The following GALNT9 variants were observed in gnomAD, a reference collection of about 807,000 sequenced individuals.
GALNT9 encodes the protein GalNAc transferase 9.
In GALNT9, 47 loss-of-function variants were observed where a neutral mutation model predicts 63.1. The ratio of observed to expected loss-of-function variants is 0.75; its 90% confidence interval spans 0.59 to 0.95. The LOEUF is 0.95. Ranked by LOEUF, GALNT9 falls within the 40% of genes least tolerant of loss-of-function variation. The pLI, the probability that GALNT9 is intolerant of heterozygous loss-of-function variation, is 0.00. For synonymous variants in GALNT9, 396 were observed against 365.7 expected, an observed-to-expected ratio of 1.08 and a Z score of -0.94; for missense variants, 829 against 874.8, an observed-to-expected ratio of 0.95 and a Z score of 0.66.
chr12:132,321,925 G>T (rs1868817686), intron 1 of GALNT9, among the ~76,000 whole-genome samples: 1 of 151,972 alleles, frequency 6.6e-6, no homozygotes, highest in Admixed American at 6.5e-5. Flanking sequence ...GACACATCCT[G>T]CCTCTCCCCA....
chr12:132,295,417 T>C (rs1881019523), intron 1 of GALNT9, among the ~76,000 whole-genome samples: 1 of 150,322 alleles, frequency 6.7e-6, no homozygotes, highest in Admixed American at 6.6e-5. Flanking sequence ...GTCCCAGCCC[T>C]GGGGACCTGT....
chr12:132,250,192 G>A (rs181107281), intron 5 of GALNT9, among the ~76,000 whole-genome samples: 235 of 152,312 alleles, frequency 1.5e-3, no homozygotes, highest in African/African-American at 5.3e-3. Flanking sequence ...AGGTGCAAGA[G>A]GTTGCCCCCC....
At chr12:132,257,431 AGCCCTCGTCCCCATGCCCTCATCCCCG>A (rs1555239169) in intron 5 of GALNT9, among the ~76,000 whole-genome samples, 13 of 147,872 alleles carry the variant, frequency 8.8e-5, no homozygotes, top group African/African-American at 2.1e-4. Flanking sequence ...GGACGTCCCC[AGCCCTCGTCCCCATGCCCTCATCCCCG>A]GCCCTCGTCC....
chr12:132,204,947 A>G (rs1021684404), intron 6 of GALNT9, among the ~76,000 whole-genome samples: 2 of 151,196 alleles, frequency 1.3e-5, no homozygotes, highest in Non-Finnish European at 3.0e-5. Flanking sequence ...GAATCCCCCC[A>G]CCACCCGAGA....
In GALNT9 at chr12:132,203,565, G is replaced by A. The variant is rs1315482806; in HGVS notation, c.1203C>T (p.Ala401=). The A allele has an allele frequency of 1.3e-5, 21 of 1,613,984 alleles. No individual in the cohort carries two copies. The highest frequency in any genetic ancestry group is 5.5e-5 in the South Asian group (5 of 91,086). ...YYAKRNALRA[A]EVWMDDFKSH... The stretch of plus-strand genomic sequence containing the variant: ...ACTTGAAGTCATCCATCCACACCTC[G>A]GCGGCGCGCAGGGCGTTGCGCTTGG... The change falls in exon 7 of 11, where the codon GCC becomes GCT. Residue 401 remains alanine (A), a synonymous_variant. Coordinates refer to ENST00000328957, the MANE Select transcript of GALNT9 (RefSeq NM_001122636.2).
At chr12:132,198,926 C>T (rs529018190) in intron 9 of GALNT9, among the ~76,000 whole-genome samples, 1 of 152,272 alleles carries the variant, frequency 6.6e-6, no homozygotes, top group East Asian at 1.9e-4. Context: ...GCTGAGATGA[C>T]AGGCGTGAGC....
intron 1 of GALNT9, among the ~76,000 whole-genome samples, chr12:132,287,809 C>T (rs1880663110): frequency 6.6e-6 from 1 of 151,958 alleles, no homozygotes; most frequent in South Asian, 2.1e-4. Flanking sequence ...GCAGACGCGG[C>T]TTGGAGATGC....
chr12:132,245,003 G>C lies in GALNT9; in HGVS notation c.1077+2907C>G, dbSNP rs1332222118. Among the ~76,000 whole-genome samples the C allele has an allele frequency of 6.6e-6, 1 of 151,814 alleles. No homozygotes were observed. The highest frequency in any genetic ancestry group is 1.5e-5 in the Non-Finnish European group (1 of 67,934). ...GGTCAGGGGGAGAGGTCGGGGGAGAGGTGGCAGGGAGGGCAGGGAGGTCAG... is the reference window on the plus strand; with the variant it reads ...GGTCAGGGGGAGAGGTCGGGGGAGACGTGGCAGGGAGGGCAGGGAGGTCAG... On this transcript the variant is annotated intron_variant, in intron 6 of 10. Coordinates refer to ENST00000328957, the MANE Select transcript of GALNT9 (RefSeq NM_001122636.2). This position sits in a 1 kb window ranked among gnomAD's most constrained non-coding sequence, Gnocchi z 6.3.
chr12:132,262,420 C>A, intron 3 of GALNT9, 39 bp downstream of exon 3: 1 of 1,525,294 alleles, frequency 6.6e-7, no homozygotes, highest in Non-Finnish European at 8.8e-7. Flanking sequence ...CCACAGGCAG[C>A]CGCCCGGCGA....
chr12:132,326,837 G>C (rs1869057371), intron 1 of GALNT9, among the ~76,000 whole-genome samples: 1 of 152,218 alleles, frequency 6.6e-6, no homozygotes, highest in Admixed American at 6.5e-5. Flanking sequence ...TTAGCACTGA[G>C]AGCCTGTGCC....
chr12:132,203,058 G>A (rs550720030), intron 7 of GALNT9, among the ~76,000 whole-genome samples: 137 of 152,260 alleles, frequency 9.0e-4, no homozygotes, highest in African/African-American at 3.1e-3. Flanking sequence ...CGCTGAGGAC[G>A]GGAAGCCACA....
intron 6 of GALNT9, among the ~76,000 whole-genome samples, chr12:132,239,717 C>A (rs1379038515): frequency 6.6e-6 from 1 of 151,528 alleles, no homozygotes; most frequent in African/African-American, 2.4e-5. Flanking sequence ...CAAAGAGACA[C>A]AGAGAGACAA....
intron 5 of GALNT9, among the ~76,000 whole-genome samples, chr12:132,251,508 A>C (rs1878914533): frequency 6.6e-6 from 1 of 152,044 alleles, no homozygotes; most frequent in African/African-American, 2.4e-5. Flanking sequence ...AAATCCTTGG[A>C]GCTCAGGGCT....
chr12:132,311,885 C>G (rs1443829846), intron 1 of GALNT9, among the ~76,000 whole-genome samples: 1 of 152,188 alleles, frequency 6.6e-6, no homozygotes, highest in Non-Finnish European at 1.5e-5. Flanking sequence ...GCTCCCTTGC[C>G]CCTCTCTTTA....
intron 5 of GALNT9, 59 bp downstream of exon 5, chr12:132,257,630 C>T (rs1043599354): frequency 1.0e-5 from 14 of 1,358,406 alleles, no homozygotes; most frequent in South Asian, 5.4e-5. Flanking sequence ...ACGCCCGCCT[C>T]GCTCTGCTCC....
intron 2 of GALNT9, chr12:132,276,287 C>G (rs1436757198): frequency 6.5e-6 from 1 of 154,860 alleles, no homozygotes; most frequent in African/African-American, 2.4e-5. Flanking sequence ...AAGATGTCAG[C>G]TGGGGAACCG....
intron 1 of GALNT9, among the ~76,000 whole-genome samples, chr12:132,290,608 A>T (rs1880775707): frequency 7.0e-6 from 1 of 143,652 alleles, no homozygotes; most frequent in African/African-American, 2.7e-5. Flanking sequence ...ACCCACAACC[A>T]CAGCACCCAC....
chr12:132,324,221 GC>G (rs1200912658), intron 1 of GALNT9, among the ~76,000 whole-genome samples: 1 of 152,166 alleles, frequency 6.6e-6, no homozygotes, highest in Non-Finnish European at 1.5e-5. Context: ...ACCCTCCGGA[GC>G]TCTCGAGGGA....
chr12:132,295,354 A>G (rs1881017226), intron 1 of GALNT9, among the ~76,000 whole-genome samples: 1 of 152,270 alleles, frequency 6.6e-6, no homozygotes, highest in Admixed American at 6.5e-5. Context: ...CGAGAGCCAA[A>G]GTCTGTGCAG....
Sources: gnomAD v4.1 joint callset for allele counts (sites outside exome capture counted in the v4.1 genomes callset) on GRCh38, gnomAD v4.1.1 for gene constraint, Gnocchi (gnomAD v3.1) non-coding constraint, MANE v1.5 for transcripts, NCBI Gene and HGNC (gene_info 2026-07-23, HGNC 2026-07-21) for gene names.